Variants in DTNB observed in about 807,000 individuals in gnomAD.
The protein encoded by DTNB is DTN-B.
A neutral mutation model predicts 90.7 loss-of-function variants in DTNB; 63 were observed. The ratio of observed to expected loss-of-function variants is 0.69; its 90% CI spans 0.57 to 0.86. The LOEUF (loss-of-function observed/expected upper bound fraction) is 0.86. DTNB is among the 40% of genes least tolerant of loss of function. The probability of loss-of-function intolerance (pLI) is 0.00; values close to 1 mark genes in which losing one functional copy is unlikely to be tolerated. For missense variants in DTNB, 744 were observed against 807.1 expected, an observed-to-expected ratio of 0.92 and a Z score of 0.95; for synonymous variants, 277 against 286.7, an observed-to-expected ratio of 0.97 and a Z score of 0.34.
chr2:25,603,107 C>T (rs1573249528), intron 5 of DTNB, among the ~76,000 whole-genome samples: 1 of 152,178 alleles, frequency 6.6e-6, no homozygotes, highest in South Asian at 2.1e-4. Flanking sequence ...AGCTTTTTAA[C>T]GAATTTTAAA....
At chr2:25,416,207 T>A (rs1405510704) in intron 16 of DTNB, among the ~76,000 whole-genome samples, 1 of 152,038 alleles carries the variant, frequency 6.6e-6, no homozygotes, top group African/African-American at 2.4e-5. Context: ...GGTGTCAGAG[T>A]GTTATCTGGG....
At chr2:25,392,007 C>T (rs1410451851) in intron 16 of DTNB, among the ~76,000 whole-genome samples, 2 of 152,102 alleles carry the variant, frequency 1.3e-5, no homozygotes, top group African/African-American at 2.4e-5. Flanking sequence ...CCTCACAGAA[C>T]TGGAGAAACA....
chr2:25,402,631 G>A (rs540603966), intron 16 of DTNB, among the ~76,000 whole-genome samples: 1 of 152,168 alleles, frequency 6.6e-6, no homozygotes, highest in Non-Finnish European at 1.5e-5. Flanking sequence ...TCTGCCATGG[G>A]GTCTCTCTGC....
At position 25,453,771 on chromosome 2, in the gene DTNB, CTG is replaced by C. The variant is rs142262706; in HGVS notation, c.1169+1632_1169+1633del. Among the ~76,000 whole-genome samples the C allele has an allele frequency of 8.0e-3, 1,221 of 152,310 alleles. 16 individuals carry two copies. Among genetic ancestry groups the C allele is most frequent in the African/African-American group, 0.028 (1,180 of 41,570 alleles). ...ATCATCTGTTGGATGAGGAGACACT[CTG>C]TGATGCAGTGCACACAATTATCAGG... On this transcript the variant is annotated intron_variant, in intron 11 of 20. Coordinates refer to ENST00000406818, the MANE Select transcript of DTNB (RefSeq NM_021907.5).
chr2:25,579,640 A>G (rs1234236320), intron 7 of DTNB, among the ~76,000 whole-genome samples: 2 of 152,142 alleles, frequency 1.3e-5, no homozygotes, highest in African/African-American at 4.8e-5. Flanking sequence ...TCAAAGCAAA[A>G]CAAAGATTTA....
chr2:25,642,208 T>C (rs936688078), intron 2 of DTNB, among the ~76,000 whole-genome samples: 1 of 152,084 alleles, frequency 6.6e-6, no homozygotes, highest in Non-Finnish European at 1.5e-5. Flanking sequence ...TGTGTGTGTA[T>C]ATGTGTATGT....
chr2:25,442,717 A>G (rs2057705534), intron 12 of DTNB, among the ~76,000 whole-genome samples: 1 of 152,232 alleles, frequency 6.6e-6, no homozygotes, highest in Admixed American at 6.5e-5. Flanking sequence ...CCAGAAGGGT[A>G]TTTAAAGGGT....
At chr2:25,442,089 A>G (rs1489144179) in intron 12 of DTNB, among the ~76,000 whole-genome samples, 1 of 152,226 alleles carries the variant, frequency 6.6e-6, no homozygotes, top group Non-Finnish European at 1.5e-5. Flanking sequence ...AAGTTCGCCT[A>G]AAGTGTCAAC....
At chr2:25,568,728 T>C (rs2059399695) in intron 8 of DTNB, among the ~76,000 whole-genome samples, 1 of 152,184 alleles carries the variant, frequency 6.6e-6, no homozygotes, top group Admixed American at 6.5e-5. Flanking sequence ...AAACAGATAC[T>C]GGGTAGAAGA....
intron 4 of DTNB, among the ~76,000 whole-genome samples, chr2:25,607,821 T>A (rs1482835115): frequency 6.6e-6 from 1 of 152,258 alleles, no homozygotes; most frequent in Non-Finnish European, 1.5e-5. Flanking sequence ...ACAACCTTTA[T>A]GTTACCACGT....
intron 1 of DTNB, among the ~76,000 whole-genome samples, chr2:25,665,952 A>G (rs1380062310): frequency 6.6e-6 from 1 of 152,204 alleles, no homozygotes; most frequent in African/African-American, 2.4e-5. Flanking sequence ...TAACTCTTAA[A>G]TCAATATCAT....
chr2:25,448,923 AC>A (rs1376128477), intron 12 of DTNB, among the ~76,000 whole-genome samples: 2 of 151,238 alleles, frequency 1.3e-5, no homozygotes, highest in African/African-American at 4.9e-5. Context: ...TGCAACCCAC[AC>A]CCCTATTGAA....
intron 10 of DTNB, 30 bp downstream of exon 10, chr2:25,482,766 A>G: frequency 6.2e-7 from 1 of 1,610,198 alleles, no homozygotes; most frequent in Middle Eastern, 1.7e-4. Context: ...AGAGGCCAAC[A>G]CCCAAGTCGA....
chr2:25,504,267 G>A (rs2071650054), intron 9 of DTNB, among the ~76,000 whole-genome samples: 2 of 150,796 alleles, frequency 1.3e-5, no homozygotes, highest in South Asian at 2.1e-4. Context: ...AAGGAAGGAC[G>A]GACGGATGGA....
intron 4 of DTNB, among the ~76,000 whole-genome samples, chr2:25,620,199 A>AAG (rs2072134345): frequency 6.6e-6 from 1 of 152,120 alleles, no homozygotes; most frequent in South Asian, 2.1e-4. Context: ...CATATTGGAA[A>AAG]AGAAGAGCGT....
At chr2:25,552,677 C>T (rs935507935) in intron 8 of DTNB, among the ~76,000 whole-genome samples, 9 of 152,104 alleles carry the variant, frequency 5.9e-5, no homozygotes, top group African/African-American at 2.2e-4. Flanking sequence ...CCTTTCCTTC[C>T]GCCTGCCCTG....
intron 10 of DTNB, among the ~76,000 whole-genome samples, chr2:25,475,526 A>T (rs1170557842): frequency 6.6e-6 from 1 of 152,244 alleles, no homozygotes; most frequent in East Asian, 1.9e-4. Flanking sequence ...GCTGATGGAG[A>T]AGCTGCAGCA....
chr2:25,457,271 G>A (rs949065950), intron 10 of DTNB, among the ~76,000 whole-genome samples: 2 of 151,906 alleles, frequency 1.3e-5, no homozygotes, highest in Non-Finnish European at 2.9e-5. Context: ...TGGCCTCCCA[G>A]TGTGCTGAGA....
At chr2:25,510,030 C>G (rs2073586666) in intron 9 of DTNB, among the ~76,000 whole-genome samples, 1 of 152,028 alleles carries the variant, frequency 6.6e-6, no homozygotes, top group South Asian at 2.1e-4. Context: ...GGATTACAGG[C>G]ATGAGCCACC....
Sources: allele counts gnomAD v4.1 joint callset (sites outside exome capture counted in the v4.1 genomes callset), GRCh38; gene constraint gnomAD v4.1.1; transcripts MANE v1.5; gene names NCBI Gene and HGNC (gene_info 2026-07-23, HGNC 2026-07-21).